The following ZSCAN10 variants were observed in gnomAD, a reference collection of about 807,000 sequenced individuals.
ZSCAN10 encodes the protein zinc finger and SCAN domain containing 10, also known as zinc finger and SCAN domain-containing protein 10.
In ZSCAN10, 52 loss-of-function variants were observed where a neutral mutation model predicts 63.7. The ratio of observed to expected loss-of-function variants is 0.82; its 90% CI spans 0.65 to 1.03. The LOEUF is 1.03. Among genes scored for constraint, ZSCAN10 ranks in the 50% least tolerant of loss-of-function variants. The pLI, the probability that ZSCAN10 is intolerant of heterozygous loss-of-function variation, is 0.00. For synonymous variants in ZSCAN10, 544 were observed against 479.6 expected (o/e 1.13, Z -1.76); for missense variants, 1,223 against 1,103.8 (o/e 1.11, Z -1.53).
At position 3,089,324 on chromosome 16, in the gene ZSCAN10, G is replaced by A. The variant is rs1255780103; in HGVS notation, c.2110C>T (p.His704Tyr). The A allele has an allele frequency of 1.3e-6, 2 of 1,581,488 alleles. No homozygotes were observed. The highest frequency in any genetic ancestry group is 1.7e-6 in the Non-Finnish European group (2 of 1,170,054). The part of the protein sequence containing the change: ...TCGRSFRRNA[H>Y]LRRHLATHAE... ...TGGGTAGCCAGGTGCCGCCGCAGAT[G>A]CGCGTTGCGCCGGAAGCTGCGACCG... The change falls in exon 6 of 6, where the codon CAT becomes TAT. Residue 704 changes from histidine (H) to tyrosine (Y), a missense_variant. Transcript: ENST00000576985.
In ZSCAN10 at chr16:3,089,412, G is replaced by A; in HGVS notation, c.2022C>T (p.Ser674=). 6.2e-7 allele frequency: 1 copy of A among 1,605,468 alleles called. No individual in the cohort carries two copies. The highest frequency in any genetic ancestry group is 8.5e-7 in the Non-Finnish European group (1 of 1,178,752). Reference sequence around the variant, plus strand: ...TGCGGCGATGGCGGGCCAGGTTGGAGCTATTGCGGAAACGGTGGCCGCAGG... The same window carrying A: ...TGCGGCGATGGCGGGCCAGGTTGGAACTATTGCGGAAACGGTGGCCGCAGG... The part of the protein sequence containing the change: ...CDTCGHRFRN[S]SNLARHRRSH... The change falls in exon 6 of 6, where the codon AGC becomes AGT. Residue 674 remains serine (S), a synonymous_variant. Transcript: ENST00000576985.
rs1326207066 is a variant in ZSCAN10 at position 3,089,531 on chromosome 16, G to T, written c.1903C>A (p.Arg635Ser). ...AAGCCCTCACCGCACTCGCTGCAGC[G>T]GCAGGGCTTCTCGCCCGTGTGGCTG... ...QRSHTGEKPCRCSECGEGFSQ... is the reference protein window; with the variant it reads ...QRSHTGEKPCSCSECGEGFSQ... Residue 635 changes from arginine to serine, a missense_variant, in exon 6 of 6, where the codon CGC becomes AGC. Arg to Ser is a moderately radical substitution (Grantham distance 110). Coordinates refer to ENST00000576985, the MANE Select transcript of ZSCAN10 (RefSeq NM_032805.3). 3 of 1,599,256 alleles carry T rather than the reference G, an allele frequency of 1.9e-6. No homozygotes were observed. Among genetic ancestry groups the T allele is most frequent in the Non-Finnish European group, 8.5e-7 (1 of 1,174,446 alleles).
At chr16:3,095,117 G>A (rs777942837) in intron 1 of ZSCAN10, among the ~76,000 whole-genome samples, 19 of 152,000 alleles carry the variant, frequency 1.3e-4, no homozygotes, top group Admixed American at 5.2e-4. Context: ...GCTGGCTCAC[G>A]CCTGTTATCC....
chr16:3,089,631 A>G lies in ZSCAN10; in HGVS notation c.1803T>C (p.Gly601=). ...GGGTGCAGTGGTGGGGCCGAGGGCC[A>G]CCGTGGGTCAGCAGGTGGCGGGCAA... ...ASLARHLLTH[G]GPRPHHCTQC... is the part of the protein sequence containing the mutation. Residue 601 remains glycine (G), a synonymous_variant, in exon 6 of 6, where the codon GGT becomes GGC. Transcript: ENST00000576985. The G allele has an allele frequency of 4.4e-6, 7 of 1,585,610 alleles. No individual in the cohort carries two copies. The highest frequency in any genetic ancestry group is 6.0e-6 in the Non-Finnish European group (7 of 1,166,120).
chr16:3,090,459 G>A lies in ZSCAN10; in HGVS notation c.975C>T (p.Gly325=), dbSNP rs1425392531. 6.2e-7 allele frequency: 1 copy of A among 1,613,870 alleles called. No individual in the cohort carries two copies. The highest frequency in any genetic ancestry group is 1.7e-5 in the Admixed American group (1 of 60,018). The change falls in exon 6 of 6, where the codon GGC becomes GGT. Residue 325 remains glycine, a synonymous_variant. Transcript: ENST00000576985. Reference sequence around the variant, plus strand: ...CTTTGACCTCCAAAATTTCACTGCTGCCAAGAAGGGACCCATCTTCACCAG... The same window carrying A: ...CTTTGACCTCCAAAATTTCACTGCTACCAAGAAGGGACCCATCTTCACCAG... The part of the protein sequence containing the change: ...SGPGEDGSLL[G]SSEILEVKVA...
rs369037453 is a variant in ZSCAN10 at position 3,092,275 on chromosome 16, G to T, written c.438C>A (p.Asp146Glu). 6.2e-7 allele frequency: 1 copy of T among 1,612,434 alleles called. No individual in the cohort carries two copies. The change falls in exon 3 of 6, where the codon GAC (aspartate) becomes GAA (glutamate). Residue 146 changes from aspartate to glutamate, a missense_variant. By Grantham distance (45) the Asp-to-Glu change is conservative (BLOSUM62 2). Transcript: ENST00000576985. ...CNAGKSCPRA[D>E]VTLEEKGCAS... ...CACACCCCTTTTCCTCCAAGGTGACGTCTGCACGGGGACAACTCTTGCCAG... is the reference window on the plus strand; with the variant it reads ...CACACCCCTTTTCCTCCAAGGTGACTTCTGCACGGGGACAACTCTTGCCAG...
Position 3,093,153 on chromosome 16 carries a change from G to C in ZSCAN10, c.-67-149C>G, listed in dbSNP as rs1307124550. 3 of 476,096 alleles carry C rather than the reference G, an allele frequency of 6.3e-6. No individual in the cohort carries two copies. The East Asian group carries it at 1.1e-4, about 17-fold the overall frequency. 29.5% of individuals were successfully genotyped at this position (476,096 alleles called of 1,614,324 possible). ...GGCTCACGAGGGCAGGACAGCCCCC[G>C]GTCTCAGGGTTACCAACAAAGCAAA... On this transcript the variant is annotated intron_variant, in intron 1 of 5. Coordinates refer to ENST00000576985, the MANE Select transcript of ZSCAN10 (RefSeq NM_032805.3).
rs1957029957 is a variant in ZSCAN10 at position 3,089,336 on chromosome 16, G to A, written c.2098C>T (p.Arg700Trp). The stretch of plus-strand genomic sequence containing the variant: ...TGCCGCCGCAGATGCGCGTTGCGCC[G>A]GAAGCTGCGACCGCACGTCTGACAG... ...YSCQTCGRSF[R>W]RNAHLRRHLA... Residue 700 changes from arginine (R) to tryptophan (W), a missense_variant, in exon 6 of 6, where the codon CGG becomes TGG. By Grantham distance (101) the Arg-to-Trp change is moderately radical. Transcript: ENST00000576985. 6.3e-7 allele frequency: 1 copy of A among 1,588,792 alleles called. No homozygotes were observed. The highest frequency in any genetic ancestry group is 8.5e-7 in the Non-Finnish European group (1 of 1,173,348).
At chr16:3,095,496 G>A (rs1278269516) in intron 1 of ZSCAN10, among the ~76,000 whole-genome samples, 1 of 143,424 alleles carries the variant, frequency 7.0e-6, no homozygotes, top group African/African-American at 2.7e-5. Flanking sequence ...CAGCCTGGGC[G>A]ACAGCGAGAC....
intron 1 of ZSCAN10, among the ~76,000 whole-genome samples, chr16:3,094,962 A>G (rs1017560173): frequency 6.6e-6 from 1 of 151,522 alleles, no homozygotes; most frequent in Non-Finnish European, 1.5e-5. Flanking sequence ...GTCTTGTAAT[A>G]TATAGGAAAT....
intron 1 of ZSCAN10, among the ~76,000 whole-genome samples, chr16:3,097,241 C>T (rs1316308007): frequency 1.6e-5 from 2 of 124,962 alleles, no homozygotes; most frequent in Non-Finnish European, 3.5e-5. Context: ...TGTTGTGGTA[C>T]AGAATGGGGG....
chr16:3,092,625 G>A lies in ZSCAN10; in HGVS notation c.313C>T (p.Gln105Ter), dbSNP rs1358537685. ...VLPPHLLGRL[Q>*]GQPLRDGEEV... ...TCCCCATCCCTGAGCGGCTGCCCCTGCAGGCGGCCCAGGAGGTGCGGAGGC... is the reference window on the plus strand; with the variant it reads ...TCCCCATCCCTGAGCGGCTGCCCCTACAGGCGGCCCAGGAGGTGCGGAGGC... Residue 105 changes from glutamine (Q) to a stop codon, truncating the protein, a stop_gained, in exon 2 of 6, where the codon CAG becomes TAG. Transcript: ENST00000576985. LOFTEE classifies it high-confidence loss of function. The A allele has an allele frequency of 1.2e-6, 2 of 1,607,332 alleles. No individual in the cohort carries two copies. Among genetic ancestry groups the A allele is most frequent in the Non-Finnish European group, 1.7e-6 (2 of 1,177,570 alleles).
rs1423523248 is a variant in ZSCAN10 at position 3,089,001 on chromosome 16, G to T, written c.*90C>A. ...GAAAGTGGAAGGAGAGGGAAGTGGG[G>T]TGTGGTGGGAAGGGACATTCCTGCA... On this transcript the variant is annotated 3_prime_UTR_variant, in exon 6 of 6. Transcript: ENST00000576985. The T allele has an allele frequency of 7.2e-7, 1 of 1,392,458 alleles. No homozygotes were observed. Among genetic ancestry groups the T allele is most frequent in the Non-Finnish European group, 9.2e-7 (1 of 1,081,168 alleles). The allele number at this position is 1,392,458 out of a possible 1,614,324, so 86.3% of individuals were successfully genotyped here.
Position 3,089,677 on chromosome 16 carries a change from C to G in ZSCAN10, c.1757G>C (p.Arg586Pro), listed in dbSNP as rs751707925. The change falls in exon 6 of 6, where the codon CGC becomes CCC. Residue 586 changes from arginine (R) to proline (P), a missense_variant. Arg to Pro is a moderately radical substitution (Grantham distance 103, BLOSUM62 -2). Transcript: ENST00000576985. ...GGCAAGGCTGGCCCGGCGCACAAAG[C>G]GCTTCCCGCACTGCGGACAGGCGTA... Reference protein sequence around the residue: ...KPYACPQCGKRFVRRASLARH... With the variant: ...KPYACPQCGKPFVRRASLARH... 2 of 1,600,640 alleles carry G rather than the reference C, an allele frequency of 1.2e-6. No homozygotes were observed. Among genetic ancestry groups the G allele is most frequent in the Non-Finnish European group, 8.5e-7 (1 of 1,174,578 alleles).
Position 3,096,146 on chromosome 16 carries a change from G to A in ZSCAN10, c.-68+3044C>T, listed in dbSNP as rs1458206736. Among the ~76,000 whole-genome samples, 3 of 152,320 alleles carry A rather than the reference G, an allele frequency of 2.0e-5. No individual in the cohort carries two copies. The East Asian group carries it at 5.8e-4, about 29-fold the overall frequency. On this transcript the variant is annotated intron_variant, in intron 1 of 5. Coordinates refer to ENST00000576985, the MANE Select transcript of ZSCAN10 (RefSeq NM_032805.3). Reference sequence around the variant, plus strand: ...CCCATGGGGAACCTCCGAAATTTCGGCCCCACCCACAGGGGACTCAGTTCA... The same window carrying A: ...CCCATGGGGAACCTCCGAAATTTCGACCCCACCCACAGGGGACTCAGTTCA...
chr16:3,091,730 G>T (rs559930609), intron 4 of ZSCAN10, 34 bp downstream of exon 4: 2 of 1,583,918 alleles, frequency 1.3e-6, no homozygotes, highest in East Asian at 2.3e-5. Context: ...AGTTCCTGGG[G>T]CTTGAGGACA....
chr16:3,088,937 G>C lies in ZSCAN10; in HGVS notation c.*154C>G. On this transcript the variant is annotated 3_prime_UTR_variant, in exon 6 of 6. Coordinates refer to ENST00000576985, the MANE Select transcript of ZSCAN10 (RefSeq NM_032805.3). The stretch of plus-strand genomic sequence containing the variant: ...TCGGGCGTTTTAATTACATAGCTGA[G>C]GCCAGAAAGCAATGCCTCGGCCAGG... 1.5e-6 allele frequency: 2 copies of C among 1,343,472 alleles called. No individual in the cohort carries two copies. The highest frequency in any genetic ancestry group is 1.9e-6 in the Non-Finnish European group (2 of 1,045,294). 83.2% of individuals were successfully genotyped at this position (1,343,472 alleles called of 1,614,324 possible).
intron 5 of ZSCAN10, 125 bp downstream of exon 5, chr16:3,091,415 G>C: frequency 9.6e-7 from 1 of 1,039,528 alleles, no homozygotes; most frequent in South Asian, 1.4e-5. Flanking sequence ...AGGCTGAGGT[G>C]GGAGGATCAC....
At position 3,092,601 on chromosome 16, in the gene ZSCAN10, C is replaced by A; in HGVS notation, c.337G>T (p.Glu113Ter). ...CCCTCGAGCAGCAGCACCACCTCCT[C>A]CCCATCCCTGAGCGGCTGCCCCTGC... ...RLQGQPLRDG[E>*]EVVLLLEGIH... Residue 113 changes from glutamate to a stop codon, truncating the protein, a stop_gained, in exon 2 of 6, where the codon GAG becomes TAG. Transcript: ENST00000576985. LOFTEE classifies it high-confidence loss of function. 6.3e-7 allele frequency: 1 copy of A among 1,598,962 alleles called. No individual in the cohort carries two copies.
Sources: allele counts gnomAD v4.1 joint callset (sites outside exome capture counted in the v4.1 genomes callset), GRCh38; gene constraint gnomAD v4.1.1; transcripts MANE v1.5; gene names NCBI Gene and HGNC (gene_info 2026-07-23, HGNC 2026-07-21).